Variants in PODXL2 observed in about 807,000 individuals in gnomAD.
PODXL2 encodes podocalyxin like 2, also known as podocalyxin-like protein 2.
In PODXL2, 17 loss-of-function variants were observed where a neutral mutation model predicts 53.4. The observed-to-expected ratio is 0.32, with a 90% CI of 0.22 to 0.48. The LOEUF is 0.48. Ranked by LOEUF, PODXL2 falls within the 20% of genes least tolerant of loss-of-function variation. The probability of loss-of-function intolerance (pLI) is 0.99; values close to 1 mark genes in which losing one functional copy is unlikely to be tolerated. For synonymous variants in PODXL2, 311 were observed against 306.7 expected (o/e 1.01, Z -0.15); for missense variants, 673 against 760.0 (o/e 0.89, Z 1.35).
Position 127,629,288 on chromosome 3 carries a change from G to A in PODXL2, c.69G>A (p.Gly23=), listed in dbSNP as rs1158425554. The change falls in exon 1 of 8, where the codon GGG becomes GGA. Residue 23 remains glycine, a splice_region_variant and synonymous_variant. Transcript: ENST00000342480. The surrounding 1 kb of genome is among the most constrained non-coding windows in gnomAD (Gnocchi z 6.4). Reference sequence around the variant, plus strand: ...CGCCGCTGCTGCTTCTGCTGGTTGGGGGTGAGTGCGCTCCGGGCCCGAGCG... The same window carrying A: ...CGCCGCTGCTGCTTCTGCTGGTTGGAGGTGAGTGCGCTCCGGGCCCGAGCG... ...LLSPLLLLLV[G]GAFLGACVAG... 15 of 1,020,090 alleles carry A rather than the reference G, an allele frequency of 1.5e-5. No individual in the cohort carries two copies. Among genetic ancestry groups the A allele is most frequent in the Non-Finnish European group, 1.5e-5 (13 of 852,334 alleles). The allele number at this position is 1,020,090 out of a possible 1,614,324, so 63.2% of individuals were successfully genotyped here.
chr3:127,634,660 A>C (rs1372801687), intron 1 of PODXL2, among the ~76,000 whole-genome samples: 1 of 152,136 alleles, frequency 6.6e-6, no homozygotes. Context: ...TGAGAGGCGG[A>C]GGTTGCAGTG....
intron 1 of PODXL2, 48 bp from the exon 2 acceptor site, chr3:127,639,197 G>A: frequency 6.6e-7 from 1 of 1,523,680 alleles, no homozygotes; most frequent in Non-Finnish European, 8.8e-7. Context: ...CACCAGTCTT[G>A]TGTCTTCTCT....
chr3:127,663,792 G>T (rs2074780868), intron 4 of PODXL2, among the ~76,000 whole-genome samples: 1 of 152,156 alleles, frequency 6.6e-6, no homozygotes, highest in African/African-American at 2.4e-5. Context: ...GGTACATGAA[G>T]ACCACAGATG....
chr3:127,660,634 G>C lies in PODXL2; in HGVS notation c.606G>C (p.Gln202His), dbSNP rs752571899. Residue 202 changes from glutamine to histidine, a missense_variant, in exon 3 of 8, where the codon CAG becomes CAC. By Grantham distance (24) the Gln-to-His change is conservative. This residue lies in a region of PODXL2 where 588 missense variants were observed against 668.3 expected (regional missense o/e 0.88). Coordinates refer to ENST00000342480, the MANE Select transcript of PODXL2 (RefSeq NM_015720.4). ...GATCCCAAGAAGAAGCCAAGCCTCA[G>C]GTCCGTGACTTTTCTCTCACCAGCA... ...VNGSQEEAKP[Q>H]VRDFSLTSSS... is the part of the protein sequence containing the mutation. 5 of 1,614,100 alleles carry C rather than the reference G, an allele frequency of 3.1e-6. No homozygotes were observed. The Admixed American group carries it at 5.0e-5, about 16-fold the overall frequency.
intron 4 of PODXL2, among the ~76,000 whole-genome samples, chr3:127,667,828 A>T (rs980212856): frequency 6.6e-6 from 1 of 152,142 alleles, no homozygotes; most frequent in Non-Finnish European, 1.5e-5. Flanking sequence ...TCCACCGCCT[A>T]CACAAGAGCA....
chr3:127,657,607 T>C (rs1404984037), intron 2 of PODXL2, among the ~76,000 whole-genome samples: 3 of 152,236 alleles, frequency 2.0e-5, no homozygotes, highest in African/African-American at 7.2e-5. Context: ...GACTCTTCTT[T>C]GCACTTTCAT....
At chr3:127,646,501 C>T (rs1023372709) in intron 2 of PODXL2, among the ~76,000 whole-genome samples, 2 of 152,072 alleles carry the variant, frequency 1.3e-5, no homozygotes, top group Non-Finnish European at 2.9e-5. Flanking sequence ...GATTCTCCTG[C>T]CTCAGCCTCC....
rs1254988807 is a variant in PODXL2 at position 127,640,923 on chromosome 3, A to T, written c.349+1400A>T. Among the ~76,000 whole-genome samples, 4 of 151,962 alleles carry T rather than the reference A, an allele frequency of 2.6e-5. 1 individual carries two copies. In the East Asian group the frequency reaches 7.7e-4, roughly 29 times the overall value. ...TTTTTAAACATGTTATTATTTATTT[A>T]TTTTTTTGAGATGGAGTCTTGCTCT... On this transcript the variant is annotated intron_variant, in intron 2 of 7. Coordinates refer to ENST00000342480, the MANE Select transcript of PODXL2 (RefSeq NM_015720.4).
At chr3:127,648,674 G>A (rs1451197886) in intron 2 of PODXL2, among the ~76,000 whole-genome samples, 1 of 150,900 alleles carries the variant, frequency 6.6e-6, no homozygotes, top group Non-Finnish European at 1.5e-5. Flanking sequence ...GGAGTGCAGT[G>A]GTGTGATCTT....
At chr3:127,664,981 CTACCCCCAAA>C (rs1248298342) in intron 4 of PODXL2, among the ~76,000 whole-genome samples, 1 of 152,132 alleles carries the variant, frequency 6.6e-6, no homozygotes, top group Non-Finnish European at 1.5e-5. Flanking sequence ...CCTTTTGCCC[CTACCCCCAAA>C]TACATTAGTT....
chr3:127,660,747 G>T lies in PODXL2; in HGVS notation c.719G>T (p.Gly240Val), dbSNP rs540530937. 9 of 1,614,142 alleles carry T rather than the reference G, an allele frequency of 5.6e-6. No individual in the cohort carries two copies. Among genetic ancestry groups the T allele is most frequent in the African/African-American group, 1.3e-5 (1 of 75,014 alleles). Residue 240 changes from glycine (G) to valine (V), a missense_variant, in exon 3 of 8, where the codon GGG becomes GTG. By Grantham distance (109) the Gly-to-Val change is moderately radical. Coordinates refer to ENST00000342480, the MANE Select transcript of PODXL2 (RefSeq NM_015720.4). Reference protein sequence around the residue: ...SSGVEVESSMGPSLLLPSVTP... With the variant: ...SSGVEVESSMVPSLLLPSVTP... ...GGTGTGGAGGTGGAGAGCAGCATGG[G>T]GCCCAGCTTGCTGCTGCCTTCAGTC...
intron 2 of PODXL2, among the ~76,000 whole-genome samples, chr3:127,650,988 G>A (rs1395101546): frequency 6.6e-6 from 1 of 152,190 alleles, no homozygotes; most frequent in African/African-American, 2.4e-5. Context: ...GGTGAGGCTG[G>A]GTGCGATGGC....
chr3:127,651,667 C>T (rs897256515), intron 2 of PODXL2, among the ~76,000 whole-genome samples: 5 of 152,340 alleles, frequency 3.3e-5, no homozygotes, highest in African/African-American at 1.2e-4. Flanking sequence ...GGTCCCTTCC[C>T]GTGTTAGGAC....
rs763723951 is a variant in PODXL2, at chr3:127,651,648, G to A, written c.350-8730G>A. Among the ~76,000 whole-genome samples the A allele has an allele frequency of 4.6e-5, 7 of 152,236 alleles. No individual in the cohort carries two copies. The South Asian group carries it at 8.3e-4, about 18-fold the overall frequency. ...CAGAGGGCTGAGGCCTCGTCAGGTA[G>A]CCTCCTGTGGTCCCTTCCCGTGTTA... On this transcript the variant is annotated intron_variant, in intron 2 of 7. Coordinates refer to ENST00000342480, the MANE Select transcript of PODXL2 (RefSeq NM_015720.4).
In PODXL2 at chr3:127,638,646, C is replaced by T. The variant is rs1315322140; in HGVS notation, c.71-599C>T. On this transcript the variant is annotated intron_variant, in intron 1 of 7. Coordinates refer to ENST00000342480, the MANE Select transcript of PODXL2 (RefSeq NM_015720.4). The stretch of plus-strand genomic sequence containing the variant: ...AGGAGAATCACTTGAACCTGGGAGG[C>T]GGAGATTGCAGTGAGCCAAGATTGC... 2.6e-5 allele frequency among the ~76,000 whole-genome samples: 4 copies of T among 152,036 alleles called. No individual in the cohort carries two copies. The East Asian group carries it at 7.7e-4, about 29-fold the overall frequency.
Position 127,670,964 on chromosome 3 carries a change from G to T in PODXL2, c.1426-470G>T, listed in dbSNP as rs577201577. On this transcript the variant is annotated intron_variant, in intron 6 of 7. Coordinates refer to ENST00000342480, the MANE Select transcript of PODXL2 (RefSeq NM_015720.4). ...CTGCATGCCCTCAGTATCCCTCCCT[G>T]CACCGGCCCTGGCATCAGGAAGCTG... Among the ~76,000 whole-genome samples, 88 of 152,358 alleles carry T rather than the reference G, an allele frequency of 5.8e-4. 3 individuals carry two copies. The South Asian group carries it at 0.018, about 31-fold the overall frequency.
intron 4 of PODXL2, among the ~76,000 whole-genome samples, chr3:127,667,640 T>C (rs2074801122): frequency 6.6e-6 from 1 of 152,252 alleles, no homozygotes; most frequent in Non-Finnish European, 1.5e-5. Flanking sequence ...GTTGAGTTTC[T>C]GTTTAAGGCC....
chr3:127,667,782 G>A (rs891784317), intron 4 of PODXL2, among the ~76,000 whole-genome samples: 4 of 152,210 alleles, frequency 2.6e-5, no homozygotes, highest in Admixed American at 1.3e-4. Flanking sequence ...AGCTCCAGGG[G>A]CTGCGGTTCC....
intron 2 of PODXL2, among the ~76,000 whole-genome samples, chr3:127,656,657 C>T (rs1212516971): frequency 1.4e-5 from 2 of 147,986 alleles, no homozygotes; most frequent in Non-Finnish European, 3.0e-5. Flanking sequence ...ATTGCTTGAA[C>T]CTGGGAGACA....
Sources: allele counts gnomAD v4.1 joint callset (sites outside exome capture counted in the v4.1 genomes callset), GRCh38; gene constraint gnomAD v4.1.1; regional missense constraint gnomAD v4.1.1; non-coding constraint Gnocchi (gnomAD v3.1); transcripts MANE v1.5; gene names NCBI Gene and HGNC (gene_info 2026-07-23, HGNC 2026-07-21).